Variants in ATP8A2 observed in about 807,000 individuals in gnomAD.
The protein encoded by ATP8A2 is phospholipid-transporting ATPase IB.
ATP8A2 carries 100 observed loss-of-function variants against 165.6 expected under a neutral mutation model. The observed-to-expected ratio is 0.60, with a 90% CI of 0.51 to 0.71. ATP8A2 has a LOEUF of 0.71. ATP8A2 is among the 30% of genes least tolerant of loss of function. ATP8A2 has a pLI of 0.00. For missense variants in ATP8A2, 1,227 were observed against 1,479.5 expected (o/e 0.83, Z 2.80); for synonymous variants, 543 against 548.8 (o/e 0.99, Z 0.15).
At chr13:25,736,463 T>C (rs768113204) in intron 25 of ATP8A2, among the ~76,000 whole-genome samples, 40 of 152,234 alleles carry the variant, frequency 2.6e-4, no homozygotes, top group Non-Finnish European at 5.1e-4. Flanking sequence ...AACTGTTGAC[T>C]GTCAGACGTT....
intron 35 of ATP8A2, among the ~76,000 whole-genome samples, chr13:25,977,378 G>A (rs903855343): frequency 2.0e-5 from 3 of 152,096 alleles, no homozygotes; most frequent in African/African-American, 7.2e-5. Flanking sequence ...ACAAATACTC[G>A]CGACAGGTGA....
intron 28 of ATP8A2, among the ~76,000 whole-genome samples, chr13:25,829,431 G>A (rs1210359308): frequency 6.6e-6 from 1 of 151,752 alleles, no homozygotes; most frequent in African/African-American, 2.4e-5. Flanking sequence ...TCCCCTTTGT[G>A]TACTAAGGGG....
intron 25 of ATP8A2, among the ~76,000 whole-genome samples, chr13:25,704,337 CTTTT>C (rs67458818): frequency 1.5e-5 from 2 of 137,682 alleles, no homozygotes. Flanking sequence ...ACATCTAGGA[CTTTT>C]TTTTTTTTTT....
At chr13:26,003,227 A>G (rs1382094255) in intron 35 of ATP8A2, among the ~76,000 whole-genome samples, 7 of 151,696 alleles carry the variant, frequency 4.6e-5, no homozygotes, top group African/African-American at 1.7e-4. Flanking sequence ...TAACCATTCT[A>G]ACAGATGTGA....
rs183257147 is a variant in ATP8A2, at chr13:25,469,107, C to A, written c.207C>A (p.Arg69=). 1 of 1,613,970 alleles carries A rather than the reference C, an allele frequency of 6.2e-7. No individual in the cohort carries two copies. Among genetic ancestry groups the A allele is most frequent in the Non-Finnish European group, 8.5e-7 (1 of 1,179,878 alleles). Residue 69 remains arginine, a synonymous_variant, in exon 2 of 37, where the codon CGC becomes CGA. Coordinates refer to ENST00000381655, the MANE Select transcript of ATP8A2 (RefSeq NM_016529.6). ...YLNQPHLNKF[R]DNQISTAKYS... ...ACCAACCGCATCTCAACAAATTCCG[C>A]GACAACCAGATCAGGTAGGAGAAGG...
intron 33 of ATP8A2, among the ~76,000 whole-genome samples, chr13:25,951,575 G>A (rs1398853229): frequency 6.6e-6 from 1 of 152,198 alleles, no homozygotes; most frequent in Non-Finnish European, 1.5e-5. Flanking sequence ...GACAGGTGTA[G>A]ACAGTTGTGT....
At chr13:25,513,127 G>T (rs1254185958) in intron 2 of ATP8A2, among the ~76,000 whole-genome samples, 7 of 151,918 alleles carry the variant, frequency 4.6e-5, no homozygotes. Context: ...CAGACGGGGT[G>T]GCTGCCGGGC....
intron 6 of ATP8A2, among the ~76,000 whole-genome samples, chr13:25,535,949 G>T (rs962699463): frequency 6.6e-6 from 1 of 151,908 alleles, no homozygotes; most frequent in South Asian, 2.1e-4. Context: ...AAAGATGAGA[G>T]AAAGCCATAA....
At chr13:25,971,362 T>C (rs1157215243) in intron 35 of ATP8A2, among the ~76,000 whole-genome samples, 1 of 152,082 alleles carries the variant, frequency 6.6e-6, no homozygotes, top group Non-Finnish European at 1.5e-5. Context: ...CTTAGATTCC[T>C]GAGGGGTGGA....
intron 23 of ATP8A2, among the ~76,000 whole-genome samples, chr13:25,584,931 T>G (rs1011962392): frequency 5.9e-5 from 9 of 152,222 alleles, no homozygotes; most frequent in African/African-American, 2.2e-4. Flanking sequence ...TTGGTGACAT[T>G]AATTATCTTT....
At chr13:25,743,207 G>A (rs1363332237) in intron 25 of ATP8A2, among the ~76,000 whole-genome samples, 2 of 152,082 alleles carry the variant, frequency 1.3e-5, no homozygotes, top group African/African-American at 2.4e-5. Flanking sequence ...TGAAGGCAGA[G>A]GTTGTGCGGT....
Position 25,528,373 on chromosome 13 carries a change from ATCACTGTATTG to A in ATP8A2, c.222-1624_222-1614del, listed in dbSNP as rs201117572. 2.1e-3 allele frequency among the ~76,000 whole-genome samples: 327 copies of A among 152,326 alleles called. 2 individuals carry two copies. The highest frequency in any genetic ancestry group is 7.4e-3 in the African/African-American group (308 of 41,576). On this transcript the variant is annotated intron_variant, in intron 2 of 36. Transcript: ENST00000381655. ...GATTTTGTCTTTAAGGATAACTCTG[ATCACTGTATTG>A]TGAAATGCGAGGCCATTGTACCATG... is the stretch of plus-strand genomic sequence containing the variant.
At chr13:25,955,860 A>G (rs1291675769) in intron 33 of ATP8A2, among the ~76,000 whole-genome samples, 2 of 152,206 alleles carry the variant, frequency 1.3e-5, no homozygotes, top group Admixed American at 6.5e-5. Context: ...GATGAACATC[A>G]GTGTGAAAAT....
At chr13:25,442,169 G>T (rs12586060) in intron 1 of ATP8A2, among the ~76,000 whole-genome samples, 1 of 152,120 alleles carries the variant, frequency 6.6e-6, no homozygotes, top group East Asian at 1.9e-4. Context: ...TTGCTTCCAC[G>T]TTGTAGCTGC....
chr13:25,487,468 G>T (rs890092143), intron 2 of ATP8A2, among the ~76,000 whole-genome samples: 1 of 152,150 alleles, frequency 6.6e-6, no homozygotes, highest in African/African-American at 2.4e-5. Flanking sequence ...ATAGTTCATA[G>T]GAATTTTTTG....
chr13:25,896,038 T>A (rs1235015802), intron 33 of ATP8A2, among the ~76,000 whole-genome samples: 1 of 152,226 alleles, frequency 6.6e-6, no homozygotes, highest in Non-Finnish European at 1.5e-5. Context: ...TTTCCTTCAG[T>A]TCTGCTCTGA....
In ATP8A2 at chr13:26,016,573, G is replaced by C. The variant is rs1003536959; in HGVS notation, c.3470-3315G>C. Reference sequence around the variant, plus strand: ...GCTTTTGCACCTTCCATTTGAACAGGGAGTAGACTATTCCAAAGGCTAAGA... The same window carrying C: ...GCTTTTGCACCTTCCATTTGAACAGCGAGTAGACTATTCCAAAGGCTAAGA... On this transcript the variant is annotated intron_variant, in intron 36 of 36. Transcript: ENST00000381655. Among the ~76,000 whole-genome samples the C allele has an allele frequency of 7.9e-5, 12 of 152,150 alleles. No homozygotes were observed. The East Asian group carries it at 2.1e-3, about 27-fold the overall frequency.
At chr13:25,388,334 C>T (rs1468678590) in intron 1 of ATP8A2, among the ~76,000 whole-genome samples, 1 of 152,062 alleles carries the variant, frequency 6.6e-6, no homozygotes, top group South Asian at 2.1e-4. Flanking sequence ...CAGGACAAGC[C>T]GCAGACAAAA....
At chr13:25,530,248 G>T in intron 3 of ATP8A2, 150 bp downstream of exon 3, 1 of 622,828 alleles carries the variant, frequency 1.6e-6, no homozygotes, top group Non-Finnish European at 2.8e-6. Flanking sequence ...GAACAAGCCT[G>T]ACTTTGTATA....
Sources: gnomAD v4.1 joint callset for allele counts (sites outside exome capture counted in the v4.1 genomes callset) on GRCh38, gnomAD v4.1.1 for gene constraint, MANE v1.5 for transcripts, NCBI Gene and HGNC (gene_info 2026-07-23, HGNC 2026-07-21) for gene names.